Variants in DPP10 observed in about 807,000 individuals in gnomAD.
DPP10 encodes the protein inactive dipeptidyl peptidase 10.
DPP10 carries 33 observed loss-of-function variants against 120.9 expected under a neutral mutation model. The observed-to-expected ratio is 0.27, with a 90% CI of 0.21 to 0.37. The LOEUF is 0.37. Ranked by LOEUF, DPP10 falls within the 10% of genes least tolerant of loss-of-function variation. DPP10 has a pLI of 1.00. For synonymous variants in DPP10, 337 were observed against 326.1 expected (o/e 1.03, Z -0.36); for missense variants, 816 against 942.8 (o/e 0.87, Z 1.76).
chr2:115,489,980 G>C (rs1230724138), intron 3 of DPP10, among the ~76,000 whole-genome samples: 1 of 151,994 alleles, frequency 6.6e-6, no homozygotes. Flanking sequence ...TATTTCTTCT[G>C]ACTTCAAATA....
intron 1 of DPP10, among the ~76,000 whole-genome samples, chr2:114,838,746 G>T (rs373178777): frequency 6.6e-6 from 1 of 152,118 alleles, no homozygotes; most frequent in Non-Finnish European, 1.5e-5. Flanking sequence ...TACCATGGGG[G>T]CATTCTTTCA....
intron 4 of DPP10, among the ~76,000 whole-genome samples, chr2:115,506,535 C>T (rs1015655989): frequency 3.3e-5 from 5 of 151,786 alleles, no homozygotes; most frequent in African/African-American, 1.2e-4. Flanking sequence ...ATTCAAAATA[C>T]CTTTTAAAGA....
intron 1 of DPP10, among the ~76,000 whole-genome samples, chr2:114,757,280 A>C (rs759343202): frequency 2.9e-5 from 4 of 136,552 alleles, no homozygotes; most frequent in Non-Finnish European, 6.2e-5. Context: ...GAAGGAAAGA[A>C]TGGGGGCGAG....
intron 5 of DPP10, among the ~76,000 whole-genome samples, chr2:115,626,377 T>C (rs1226931279): frequency 6.6e-6 from 1 of 152,092 alleles, no homozygotes; most frequent in Non-Finnish European, 1.5e-5. Flanking sequence ...AACGTACTAA[T>C]TCATCAACAA....
At chr2:115,233,755 A>T (rs1004320418) in intron 1 of DPP10, among the ~76,000 whole-genome samples, 2 of 152,154 alleles carry the variant, frequency 1.3e-5, no homozygotes, top group African/African-American at 4.8e-5. Flanking sequence ...GTGGGCGTGG[A>T]CAGGATGATA....
intron 2 of DPP10, among the ~76,000 whole-genome samples, chr2:115,325,491 A>G (rs2062306765): frequency 6.6e-6 from 1 of 152,198 alleles, no homozygotes; most frequent in Non-Finnish European, 1.5e-5. Context: ...ATAAACTTGT[A>G]AAATACACAA....
intron 11 of DPP10, among the ~76,000 whole-genome samples, chr2:115,754,493 G>A (rs1278173795): frequency 6.6e-6 from 1 of 152,140 alleles, no homozygotes; most frequent in Non-Finnish European, 1.5e-5. Context: ...GTATTCAACT[G>A]AGAACCCAGA....
At chr2:115,012,592 C>T in intron 1 of DPP10, among the ~76,000 whole-genome samples, 1 of 152,126 alleles carries the variant, frequency 6.6e-6, no homozygotes, top group Non-Finnish European at 1.5e-5. Context: ...AAAAGTATCA[C>T]TATAGTTTGG....
intron 5 of DPP10, among the ~76,000 whole-genome samples, chr2:115,610,870 G>A (rs1446225183): frequency 1.3e-5 from 2 of 152,102 alleles, no homozygotes; most frequent in Non-Finnish European, 2.9e-5. Context: ...GTAAACAATA[G>A]TGTCCTAAAT....
At chr2:115,823,721 T>G (rs1167025168) in intron 21 of DPP10, among the ~76,000 whole-genome samples, 1 of 152,214 alleles carries the variant, frequency 6.6e-6, no homozygotes, top group African/African-American at 2.4e-5. Context: ...TTACTTTGGT[T>G]TTCTTTAGTT....
chr2:114,855,106 G>T (rs887961356), intron 1 of DPP10, among the ~76,000 whole-genome samples: 1 of 152,160 alleles, frequency 6.6e-6, no homozygotes, highest in African/African-American at 2.4e-5. Flanking sequence ...GTTCAAAAGA[G>T]GGAATGGTGG....
chr2:115,814,483 C>G (rs1463411390), intron 19 of DPP10, among the ~76,000 whole-genome samples: 1 of 152,040 alleles, frequency 6.6e-6, no homozygotes, highest in Non-Finnish European at 1.5e-5. Flanking sequence ...TTTAGAAATG[C>G]CTTTGGGAGA....
chr2:114,969,850 C>T (rs893897903), intron 1 of DPP10, among the ~76,000 whole-genome samples: 11 of 152,038 alleles, frequency 7.2e-5, no homozygotes, highest in Non-Finnish European at 1.3e-4. Context: ...GAGAAGAAAG[C>T]CCCCCACCTC....
intron 1 of DPP10, among the ~76,000 whole-genome samples, chr2:115,221,105 T>C (rs2057132284): frequency 6.6e-6 from 1 of 151,576 alleles, no homozygotes. Flanking sequence ...TTGCCCAGAG[T>C]GTGTGTTTTG....
At chr2:114,571,367 A>G (rs527721824) in intron 1 of DPP10, among the ~76,000 whole-genome samples, 2 of 152,124 alleles carry the variant, frequency 1.3e-5, no homozygotes, top group Non-Finnish European at 2.9e-5. Flanking sequence ...GCCTTCCACC[A>G]TGATTGTAAG....
intron 1 of DPP10, among the ~76,000 whole-genome samples, chr2:114,584,628 G>A (rs943471704): frequency 2.1e-5 from 3 of 140,298 alleles, no homozygotes; most frequent in African/African-American, 8.1e-5. Context: ...TCCCACCTAT[G>A]AGTGAGAACC....
rs923909701 is a variant in DPP10, at chr2:114,541,820, C to T, written c.60+98982C>T. On this transcript the variant is annotated intron_variant, in intron 1 of 25. Transcript: ENST00000410059. Reference sequence around the variant, plus strand: ...AAACACAGGAGGAAAGAGTATAATACGATAAAAACTATTTAAAATGTCACA... The same window carrying T: ...AAACACAGGAGGAAAGAGTATAATATGATAAAAACTATTTAAAATGTCACA... 2.6e-4 allele frequency among the ~76,000 whole-genome samples: 39 copies of T among 151,944 alleles called. 1 individual carries two copies. The highest frequency in any genetic ancestry group is 1.7e-3 in the Admixed American group (26 of 15,278).
intron 1 of DPP10, among the ~76,000 whole-genome samples, chr2:114,779,241 G>A (rs1210549228): frequency 6.6e-6 from 1 of 152,064 alleles, no homozygotes; most frequent in Non-Finnish European, 1.5e-5. Flanking sequence ...TCATCTGAAC[G>A]AAGAGGTTTG....
Position 114,629,503 on chromosome 2 carries a change from T to G in DPP10, c.60+186665T>G, listed in dbSNP as rs904047072. Among the ~76,000 whole-genome samples the G allele has an allele frequency of 2.6e-5, 4 of 152,240 alleles. No homozygotes were observed. The East Asian group carries it at 7.7e-4, about 29-fold the overall frequency. Reference sequence around the variant, plus strand: ...CGTTAACGGGTAATGTATAAGAAAATTAAAATGGGTGATAACATTTTAAAA... The same window carrying G: ...CGTTAACGGGTAATGTATAAGAAAAGTAAAATGGGTGATAACATTTTAAAA... On this transcript the variant is annotated intron_variant, in intron 1 of 25. Transcript: ENST00000410059.
Sources: allele counts gnomAD v4.1 joint callset (sites outside exome capture counted in the v4.1 genomes callset), GRCh38; gene constraint gnomAD v4.1.1; transcripts MANE v1.5; gene names NCBI Gene and HGNC (gene_info 2026-07-23, HGNC 2026-07-21).